Variants in CNTNAP2 observed in about 807,000 individuals in gnomAD.
CNTNAP2 encodes the protein contactin associated protein 2.
In CNTNAP2, 98 loss-of-function variants were observed where a neutral mutation model predicts 155.2. That is an observed-to-expected ratio of 0.63 (90% CI 0.54 to 0.75). The LOEUF is 0.75. CNTNAP2 is among the 30% of genes least tolerant of loss of function. CNTNAP2 has a pLI of 0.00. For synonymous variants in CNTNAP2, 651 were observed against 631.2 expected (o/e 1.03, Z -0.47); for missense variants, 1,727 against 1,688.1 (o/e 1.02, Z -0.40).
chr7:146,473,810 T>TAA (rs1796834767), intron 1 of CNTNAP2, among the ~76,000 whole-genome samples: 1 of 152,192 alleles, frequency 6.6e-6, no homozygotes, highest in Non-Finnish European at 1.5e-5. Context: ...GTCTCCTGGG[T>TAA]CCCACAGGTT....
intron 20 of CNTNAP2, among the ~76,000 whole-genome samples, chr7:148,265,380 C>T: frequency 6.6e-6 from 1 of 152,040 alleles, no homozygotes; most frequent in East Asian, 1.9e-4. Context: ...CTCAAGCTAT[C>T]CTCCCACCTC....
At chr7:148,346,277 T>C (rs1043233275) in intron 21 of CNTNAP2, among the ~76,000 whole-genome samples, 7 of 152,256 alleles carry the variant, frequency 4.6e-5, no homozygotes, top group Admixed American at 1.3e-4. Context: ...TTCTGTTTTC[T>C]ACACTTATTT....
chr7:148,106,713 C>T (rs914380047), intron 15 of CNTNAP2, among the ~76,000 whole-genome samples: 2 of 151,722 alleles, frequency 1.3e-5, no homozygotes, highest in Non-Finnish European at 2.9e-5. Flanking sequence ...GTTTTACAAC[C>T]TCTACATGCA....
At chr7:146,515,545 C>G (rs748403256) in intron 1 of CNTNAP2, among the ~76,000 whole-genome samples, 1 of 151,740 alleles carries the variant, frequency 6.6e-6, no homozygotes, top group Non-Finnish European at 1.5e-5. Context: ...GAGAGTGATG[C>G]CAAATTGTTG....
intron 21 of CNTNAP2, among the ~76,000 whole-genome samples, chr7:148,374,379 G>T (rs1798944054): frequency 6.6e-6 from 1 of 152,154 alleles, no homozygotes; most frequent in Non-Finnish European, 1.5e-5. Flanking sequence ...CCTACACTTT[G>T]TTATGCTGCT....
At chr7:147,776,005 A>C (rs1325767725) in intron 13 of CNTNAP2, among the ~76,000 whole-genome samples, 1 of 152,180 alleles carries the variant, frequency 6.6e-6, no homozygotes, top group African/African-American at 2.4e-5. Context: ...GCAGAGAAGT[A>C]GTTTTTCACT....
At chr7:147,712,200 C>T (rs1407101089) in intron 13 of CNTNAP2, among the ~76,000 whole-genome samples, 1 of 152,102 alleles carries the variant, frequency 6.6e-6, no homozygotes, top group African/African-American at 2.4e-5. Context: ...AATGAGATAC[C>T]ATCTCACACC....
chr7:146,310,812 T>C (rs1584862607), intron 1 of CNTNAP2, among the ~76,000 whole-genome samples: 1 of 152,270 alleles, frequency 6.6e-6, no homozygotes, highest in East Asian at 1.9e-4. Flanking sequence ...CATTATGTAC[T>C]GTGGATTTGC....
intron 1 of CNTNAP2, among the ~76,000 whole-genome samples, chr7:146,747,859 T>C (rs532444107): frequency 6.6e-6 from 1 of 151,918 alleles, no homozygotes; most frequent in South Asian, 2.1e-4. Context: ...AGAGCATTGA[T>C]TGAACATTGA....
intron 10 of CNTNAP2, among the ~76,000 whole-genome samples, chr7:147,407,481 A>G (rs1797027452): frequency 9.8e-6 from 1 of 102,378 alleles, no homozygotes; most frequent in Admixed American, 1.0e-4. Flanking sequence ...AAAAAAAAAA[A>G]AAAAAAAAAA....
chr7:146,621,270 C>T (rs934194797), intron 1 of CNTNAP2, among the ~76,000 whole-genome samples: 2 of 152,076 alleles, frequency 1.3e-5, no homozygotes, highest in Non-Finnish European at 2.9e-5. Flanking sequence ...CCGTTATCAC[C>T]GACAACCAGT....
chr7:147,137,452 T>G (rs1801507805), intron 8 of CNTNAP2, among the ~76,000 whole-genome samples: 1 of 151,680 alleles, frequency 6.6e-6, no homozygotes, highest in African/African-American at 2.4e-5. Context: ...TATCTATATT[T>G]TCTCCAATAA....
At chr7:146,296,883 A>T (rs1461429821) in intron 1 of CNTNAP2, among the ~76,000 whole-genome samples, 1 of 152,086 alleles carries the variant, frequency 6.6e-6, no homozygotes, top group Non-Finnish European at 1.5e-5. Flanking sequence ...AAAACTAAAA[A>T]GTTCTTAATC....
At chr7:147,188,279 C>CATGG (rs1435418556) in intron 8 of CNTNAP2, among the ~76,000 whole-genome samples, 2 of 152,072 alleles carry the variant, frequency 1.3e-5, no homozygotes, top group African/African-American at 4.8e-5. Flanking sequence ...CCAAGGACAG[C>CATGG]ATGGTATCAG....
At chr7:147,036,303 T>A (rs911146139) in intron 3 of CNTNAP2, among the ~76,000 whole-genome samples, 1 of 152,202 alleles carries the variant, frequency 6.6e-6, no homozygotes, top group African/African-American at 2.4e-5. Flanking sequence ...TCTGAAATAT[T>A]GTTTTAGCTA....
At chr7:148,192,529 C>A (rs188796034) in intron 18 of CNTNAP2, among the ~76,000 whole-genome samples, 1 of 148,732 alleles carries the variant, frequency 6.7e-6, no homozygotes, top group Non-Finnish European at 1.5e-5. Flanking sequence ...AAATGGATGA[C>A]CAAAAAAAAA....
chr7:148,234,714 A>T (rs542100043), intron 20 of CNTNAP2, among the ~76,000 whole-genome samples: 152 of 152,374 alleles, frequency 1.0e-3, no homozygotes, highest in African/African-American at 3.5e-3. Flanking sequence ...GGCTGAGATG[A>T]TGCAGCTTTC....
intron 1 of CNTNAP2, among the ~76,000 whole-genome samples, chr7:146,399,758 G>A (rs1795687312): frequency 6.6e-6 from 1 of 152,026 alleles, no homozygotes; most frequent in Admixed American, 6.6e-5. Flanking sequence ...TTACTGTAAA[G>A]GCTGTAGTAA....
chr7:147,225,834 G>A (rs866050767), intron 8 of CNTNAP2, among the ~76,000 whole-genome samples: 34 of 81,636 alleles, frequency 4.2e-4, no homozygotes, highest in African/African-American at 9.3e-4. Context: ...AAAGAAGGAA[G>A]GAAGGAGGGA....
Sources: gnomAD v4.1 joint callset for allele counts (sites outside exome capture counted in the v4.1 genomes callset) on GRCh38, gnomAD v4.1.1 for gene constraint, MANE v1.5 for transcripts, NCBI Gene and HGNC (gene_info 2026-07-23, HGNC 2026-07-21) for gene names.